Variants in TMX2 observed in about 807,000 individuals in gnomAD.
TMX2 encodes the protein thioredoxin related transmembrane protein 2.
A neutral mutation model predicts 33.4 loss-of-function variants in TMX2; 20 were observed. The observed-to-expected ratio is 0.60, with a 90% CI of 0.42 to 0.87. TMX2 has a LOEUF of 0.87. TMX2 is among the 40% of genes least tolerant of loss of function. The pLI, the probability that TMX2 is intolerant of heterozygous loss-of-function variation, is 0.00. For synonymous variants in TMX2, 166 were observed against 140.7 expected (o/e 1.18, Z -1.27); for missense variants, 340 against 370.7 (o/e 0.92, Z 0.68).
chr11:57,738,180 C>T, intron 3 of TMX2, 154 bp downstream of exon 3: 1 of 733,590 alleles, frequency 1.4e-6, no homozygotes, highest in South Asian at 1.8e-5. Flanking sequence ...ATATGTAGCT[C>T]AGATGATAAC....
chr11:57,724,107 A>G (rs1174034800), intron 1 of TMX2, among the ~76,000 whole-genome samples: 2 of 152,092 alleles, frequency 1.3e-5, no homozygotes, highest in Admixed American at 6.6e-5. Context: ...TAACTGCTTT[A>G]AGGACAAAAT....
Position 57,738,759 on chromosome 11 carries a change from C to G in TMX2, c.537C>G (p.Asp179Glu), listed in dbSNP as rs376104346. 1.6e-5 allele frequency: 26 copies of G among 1,613,334 alleles called. No homozygotes were observed. Among genetic ancestry groups the G allele is most frequent in the Non-Finnish European group, 2.2e-5 (26 of 1,179,412 alleles). ...DCQSFAPIYA[D>E]LSLKYNCTGL... ...AATCATTTGCCCCTATCTATGCTGA[C>G]CTCTCCCTTAAGTGAGTAGTGCAAA... is the stretch of plus-strand genomic sequence containing the variant. The change falls in exon 5 of 8, where the codon GAC becomes GAG. Residue 179 changes from aspartate to glutamate, a missense_variant. Transcript: ENST00000278422.
At chr11:57,731,591 T>C (rs924617083) in intron 1 of TMX2, among the ~76,000 whole-genome samples, 5 of 151,970 alleles carry the variant, frequency 3.3e-5, no homozygotes, top group African/African-American at 9.7e-5. Context: ...TGGTCACTCA[T>C]ACTTGCCTCA....
intron 1 of TMX2, among the ~76,000 whole-genome samples, chr11:57,720,843 G>A (rs774022352): frequency 1.3e-5 from 2 of 152,188 alleles, no homozygotes; most frequent in Non-Finnish European, 2.9e-5. Context: ...AGATCATAGT[G>A]CCTTTTTGCA....
chr11:57,720,617 C>T (rs540876036), intron 1 of TMX2, among the ~76,000 whole-genome samples: 37 of 152,360 alleles, frequency 2.4e-4, no homozygotes, highest in African/African-American at 8.2e-4. Context: ...AGGCTGATCT[C>T]GAACTTCTGG....
intron 1 of TMX2, among the ~76,000 whole-genome samples, chr11:57,722,073 A>G (rs1947670607): frequency 6.6e-6 from 1 of 152,162 alleles, no homozygotes; most frequent in African/African-American, 2.4e-5. Flanking sequence ...GCAGTTCACT[A>G]CAGCCTCAAC....
At chr11:57,731,463 CA>C (rs1413855411) in intron 1 of TMX2, among the ~76,000 whole-genome samples, 2 of 131,214 alleles carry the variant, frequency 1.5e-5, no homozygotes, top group Non-Finnish European at 3.1e-5. Context: ...TTTTTGAGAC[CA>C]AAAAAATTAA....
At chr11:57,722,268 C>G (rs780337982) in intron 1 of TMX2, among the ~76,000 whole-genome samples, 73 of 152,162 alleles carry the variant, frequency 4.8e-4, no homozygotes, top group Admixed American at 2.6e-3. Flanking sequence ...TCCCAAAGTG[C>G]TAGGATTACA....
rs1948931126 is a variant in TMX2 at position 57,739,167 on chromosome 11, C to T, written c.651C>T (p.Leu217=). 3.1e-6 allele frequency: 5 copies of T among 1,614,044 alleles called. No individual in the cohort carries two copies. Among genetic ancestry groups the T allele is most frequent in the East Asian group, 2.2e-5 (1 of 44,888 alleles). ...GCACATCACCCCTCACCAAGCAACT[C>T]CCTACCCTGATCCTGTTCCAAGGTG... ...KVSTSPLTKQ[L]PTLILFQGGK... is the part of the protein sequence containing the mutation. Residue 217 remains leucine, a synonymous_variant, in exon 7 of 8, where the codon CTC becomes CTT. Transcript: ENST00000278422.
At chr11:57,716,606 G>A (rs1349833419) in intron 1 of TMX2, among the ~76,000 whole-genome samples, 5 of 134,392 alleles carry the variant, frequency 3.7e-5, no homozygotes, top group East Asian at 2.5e-4. Context: ...CGGCTGGCCG[G>A]GTGGGGGGCT....
intron 1 of TMX2, among the ~76,000 whole-genome samples, chr11:57,727,031 C>CT (rs1282316775): frequency 6.6e-6 from 1 of 152,178 alleles, no homozygotes; most frequent in Non-Finnish European, 1.5e-5. Flanking sequence ...CAAATCTTCA[C>CT]TGTCTTTATG....
At chr11:57,726,538 A>T (rs897339501) in intron 1 of TMX2, among the ~76,000 whole-genome samples, 1 of 151,570 alleles carries the variant, frequency 6.6e-6, no homozygotes, top group African/African-American at 2.4e-5. Context: ...ATCCATTCCT[A>T]TATGGCCTAA....
At chr11:57,733,185 G>A (rs1948502767) in intron 1 of TMX2, among the ~76,000 whole-genome samples, 1 of 149,792 alleles carries the variant, frequency 6.7e-6, no homozygotes, top group Admixed American at 6.6e-5. Context: ...GCATAACAGT[G>A]TGTCAGTGAT....
chr11:57,723,139 C>T (rs866569828), intron 1 of TMX2, among the ~76,000 whole-genome samples: 17 of 151,732 alleles, frequency 1.1e-4, no homozygotes, highest in East Asian at 9.8e-4. Flanking sequence ...AATAAACACA[C>T]GGATGTCAAC....
intron 1 of TMX2, among the ~76,000 whole-genome samples, chr11:57,735,295 G>A (rs1050052899): frequency 6.7e-6 from 1 of 149,278 alleles, no homozygotes; most frequent in African/African-American, 2.5e-5. Context: ...TGCAACCTCC[G>A]CCTCCCGGGT....
intron 1 of TMX2, chr11:57,717,896 A>C: frequency 1.6e-6 from 1 of 609,348 alleles, no homozygotes. Flanking sequence ...TAAGGGAACA[A>C]GGAAAACACG....
At chr11:57,729,425 T>C (rs1395537364) in intron 1 of TMX2, among the ~76,000 whole-genome samples, 6 of 152,170 alleles carry the variant, frequency 3.9e-5, no homozygotes, top group Non-Finnish European at 1.5e-5. Context: ...ATTTGTCTCA[T>C]GGCAAAAGTA....
chr11:57,731,124 T>G (rs1420997092), intron 1 of TMX2, among the ~76,000 whole-genome samples: 1 of 92,626 alleles, frequency 1.1e-5, no homozygotes, highest in Non-Finnish European at 2.2e-5. Context: ...TTTTGTTTTT[T>G]GTTTTTTTTT....
At position 57,725,823 on chromosome 11, in the gene TMX2, G is replaced by A. The variant is rs534493765; in HGVS notation, c.190-11785G>A. ...CCAAACAGCTGGTAAAACAAAATTG[G>A]TTGCCTTCTAAACTATTATGTGTTA... On this transcript the variant is annotated intron_variant, in intron 1 of 7. Transcript: ENST00000278422. 2.1e-3 allele frequency among the ~76,000 whole-genome samples: 322 copies of A among 152,014 alleles called. 4 individuals carry two copies. The highest frequency in any genetic ancestry group is 7.5e-3 in the African/African-American group (310 of 41,448).
Sources: gnomAD v4.1 joint callset for allele counts (sites outside exome capture counted in the v4.1 genomes callset) on GRCh38, gnomAD v4.1.1 for gene constraint, MANE v1.5 for transcripts, NCBI Gene and HGNC (gene_info 2026-07-23, HGNC 2026-07-21) for gene names.